Variants in PPP2R2B observed in about 807,000 individuals in gnomAD.
The protein encoded by PPP2R2B is serine/threonine-protein phosphatase 2A 55 kDa regulatory subunit B beta isoform.
Under a neutral mutation model 46.0 loss-of-function variants are expected in PPP2R2B, and 5 were observed. That is an observed-to-expected ratio of 0.11 (90% CI 0.06 to 0.23). The LOEUF (loss-of-function observed/expected upper bound fraction) is 0.23, where lower values mean the gene tolerates loss of function less well. PPP2R2B is among the 10% of genes least tolerant of loss of function. The probability of loss-of-function intolerance (pLI) is 1.00; values close to 1 mark genes in which losing one functional copy is unlikely to be tolerated. For synonymous variants in PPP2R2B, 215 were observed against 206.7 expected, an observed-to-expected ratio of 1.04 and a Z score of -0.34; for missense variants, 367 against 575.0, an observed-to-expected ratio of 0.64 and a Z score of 3.70.
intron 2 of PPP2R2B, among the ~76,000 whole-genome samples, chr5:146,807,780 T>C (rs1325481469): frequency 1.6e-4 from 11 of 68,188 alleles, no homozygotes; most frequent in African/African-American, 8.9e-4. Context: ...TGCCTTCTTT[T>C]TTTTTTTTTT....
rs201140438 is a variant in PPP2R2B at position 146,756,960 on chromosome 5, T to C, written c.71-55818A>G. ...ATTCTGGTGGAGGAGGCAGACAAATTAAGATTAAGGAGGGTAGACAATGGA... is the reference window on the plus strand; with the variant it reads ...ATTCTGGTGGAGGAGGCAGACAAATCAAGATTAAGGAGGGTAGACAATGGA... On this transcript the variant is annotated intron_variant, in intron 2 of 9. Coordinates refer to ENST00000394411, the MANE Select transcript of PPP2R2B (RefSeq NM_181675.4). Among the ~76,000 whole-genome samples the C allele has an allele frequency of 9.5e-3, 1,445 of 152,240 alleles. 18 individuals are homozygous for C. The highest frequency in any genetic ancestry group is 0.031 in the African/African-American group (1,280 of 41,536).
chr5:146,905,387 T>C (rs1204850257), intron 1 of PPP2R2B, among the ~76,000 whole-genome samples: 1 of 152,176 alleles, frequency 6.6e-6, no homozygotes, highest in Non-Finnish European at 1.5e-5. Flanking sequence ...GTTCTTGTCT[T>C]AAGTTTGAAA....
intron 7 of PPP2R2B, among the ~76,000 whole-genome samples, chr5:146,613,605 C>G (rs1266708391): frequency 8.5e-6 from 1 of 118,010 alleles, no homozygotes; most frequent in Non-Finnish European, 1.6e-5. Context: ...AAAACCCCAT[C>G]GTCTCAGCCC....
chr5:146,931,524 T>A (rs1763969415), intron 1 of PPP2R2B, among the ~76,000 whole-genome samples: 1 of 152,158 alleles, frequency 6.6e-6, no homozygotes, highest in African/African-American at 2.4e-5. Context: ...ACTGTTTGCT[T>A]ATCGAGATTT....
intron 2 of PPP2R2B, among the ~76,000 whole-genome samples, chr5:146,726,438 A>AAC (rs991064974): frequency 2.0e-5 from 3 of 152,128 alleles, no homozygotes; most frequent in Admixed American, 1.3e-4. Flanking sequence ...GCCAAGTATA[A>AAC]ACACACACAC....
At chr5:146,789,497 C>T (rs752185337) in intron 2 of PPP2R2B, among the ~76,000 whole-genome samples, 19 of 152,094 alleles carry the variant, frequency 1.2e-4, no homozygotes, top group Middle Eastern at 3.4e-3. Context: ...GAAATAAAAC[C>T]TTATACTTCA....
chr5:147,078,359 G>T (rs1757856894), intron 2 of PPP2R2B, among the ~76,000 whole-genome samples: 1 of 152,150 alleles, frequency 6.6e-6, no homozygotes, highest in African/African-American at 2.4e-5. Flanking sequence ...TCTCATAATT[G>T]ATGGGAAGCC....
At position 146,809,004 on chromosome 5, in the gene PPP2R2B, C is replaced by A. The variant is rs563375515; in HGVS notation, c.70+68998G>T. On this transcript the variant is annotated intron_variant, in intron 2 of 9. Coordinates refer to ENST00000394411, the MANE Select transcript of PPP2R2B (RefSeq NM_181675.4). ...GTGTGTGTGTGTGTGTGCGCGCGCA[C>A]CCACTTCTCCAGTGATGAATGTCCT... Among the ~76,000 whole-genome samples, 9 of 150,626 alleles carry A rather than the reference C, an allele frequency of 6.0e-5. No homozygotes were observed. In the South Asian group the frequency reaches 1.9e-3, roughly 31 times the overall value.
intron 2 of PPP2R2B, among the ~76,000 whole-genome samples, chr5:146,717,626 G>A (rs796681708): frequency 4.6e-5 from 7 of 152,254 alleles, no homozygotes; most frequent in African/African-American, 1.7e-4. Context: ...TGTATCAACA[G>A]TAAAATGTAC....
intron 1 of PPP2R2B, among the ~76,000 whole-genome samples, chr5:146,965,767 A>AATT (rs1332194332): frequency 6.6e-6 from 1 of 152,216 alleles, no homozygotes; most frequent in Non-Finnish European, 1.5e-5. Flanking sequence ...TCTTGATAAT[A>AATT]ATTCTTCTTA....
chr5:146,607,516 G>A (rs1772404620), intron 7 of PPP2R2B, among the ~76,000 whole-genome samples: 1 of 152,184 alleles, frequency 6.6e-6, no homozygotes, highest in Non-Finnish European at 1.5e-5. Flanking sequence ...GGCATACAAT[G>A]CATAGCGTGA....
chr5:147,056,807 C>CT (rs1477124498), upstream of PPP2R2B, among the ~76,000 whole-genome samples: 2 of 152,086 alleles, frequency 1.3e-5, no homozygotes, highest in East Asian at 3.9e-4. Context: ...ATAATAATGA[C>CT]TTTGGAAACC....
At chr5:146,651,187 C>T (rs1775932571) in intron 5 of PPP2R2B, among the ~76,000 whole-genome samples, 1 of 152,146 alleles carries the variant, frequency 6.6e-6, no homozygotes, top group Admixed American at 6.6e-5. Context: ...TATACCCCTT[C>T]CTGGCTTTGT....
At chr5:146,972,174 T>G (rs1191317771) in intron 1 of PPP2R2B, among the ~76,000 whole-genome samples, 2 of 149,060 alleles carry the variant, frequency 1.3e-5, no homozygotes, top group Non-Finnish European at 3.0e-5. Context: ...TCAATTTGGG[T>G]TTGTCAAATA....
chr5:146,939,660 T>C (rs1764261100), intron 1 of PPP2R2B, among the ~76,000 whole-genome samples: 1 of 152,210 alleles, frequency 6.6e-6, no homozygotes, highest in African/African-American at 2.4e-5. Context: ...GAGGAAACAT[T>C]TTTGAATGGT....
intron 2 of PPP2R2B, among the ~76,000 whole-genome samples, chr5:146,796,251 G>T (rs778383046): frequency 1.3e-5 from 2 of 152,162 alleles, no homozygotes; most frequent in Non-Finnish European, 2.9e-5. Context: ...GTCCACGTAT[G>T]CTCCCATACG....
intron 1 of PPP2R2B, among the ~76,000 whole-genome samples, chr5:146,909,768 A>G (rs1191333777): frequency 6.6e-6 from 1 of 152,156 alleles, no homozygotes; most frequent in Admixed American, 6.5e-5. Context: ...CAATTAGAAT[A>G]GATTTAAGAG....
chr5:146,810,969 C>A (rs138497843), intron 2 of PPP2R2B, among the ~76,000 whole-genome samples: 1,722 of 148,552 alleles, frequency 0.012, 35 homozygotes, highest in African/African-American at 0.04. Flanking sequence ...TGAGAACATG[C>A]GGTGTTTGGT....
chr5:147,077,294 A>C (rs1757810916), intron 2 of PPP2R2B, among the ~76,000 whole-genome samples: 1 of 147,788 alleles, frequency 6.8e-6, no homozygotes, highest in South Asian at 2.1e-4. Context: ...ACACACACAC[A>C]CACACACACA....
Sources: allele counts gnomAD v4.1 joint callset (sites outside exome capture counted in the v4.1 genomes callset), GRCh38; gene constraint gnomAD v4.1.1; transcripts MANE v1.5; gene names NCBI Gene and HGNC (gene_info 2026-07-23, HGNC 2026-07-21).